Variants in DPP10 observed in about 807,000 individuals in gnomAD.
The protein encoded by DPP10 is inactive dipeptidyl peptidase 10.
Under a neutral mutation model 120.9 loss-of-function variants are expected in DPP10, and 33 were observed. That is an observed-to-expected ratio of 0.27 (90% CI 0.21 to 0.37). DPP10 has a LOEUF of 0.37. Ranked by LOEUF, DPP10 falls within the 10% of genes least tolerant of loss-of-function variation. DPP10 has a pLI of 1.00. For synonymous variants in DPP10, 337 were observed against 326.1 expected (o/e 1.03, Z -0.36); for missense variants, 816 against 942.8 (o/e 0.87, Z 1.76).
intron 1 of DPP10, among the ~76,000 whole-genome samples, chr2:114,502,734 C>T (rs1331623155): frequency 6.6e-6 from 1 of 152,186 alleles, no homozygotes; most frequent in East Asian, 1.9e-4. Flanking sequence ...TACTAACCTA[C>T]TCACTAGGTT....
At chr2:115,510,593 T>C (rs1207646658) in intron 4 of DPP10, among the ~76,000 whole-genome samples, 1 of 152,214 alleles carries the variant, frequency 6.6e-6, no homozygotes, top group East Asian at 1.9e-4. Flanking sequence ...GCCCTTGAAC[T>C]TTGCTCTTTT....
chr2:115,521,722 A>G (rs2077823458), intron 4 of DPP10, among the ~76,000 whole-genome samples: 1 of 151,454 alleles, frequency 6.6e-6, no homozygotes, highest in Non-Finnish European at 1.5e-5. Flanking sequence ...TGAGCCTCTT[A>G]CCATCTCTCA....
chr2:114,903,771 A>AT (rs1340584322), intron 1 of DPP10, among the ~76,000 whole-genome samples: 2 of 152,182 alleles, frequency 1.3e-5, no homozygotes, highest in African/African-American at 4.8e-5. Flanking sequence ...ACCAGATAGG[A>AT]TTTGTAGCCT....
chr2:115,117,829 T>C (rs1184645486), intron 1 of DPP10, among the ~76,000 whole-genome samples: 1 of 152,120 alleles, frequency 6.6e-6, no homozygotes, highest in Non-Finnish European at 1.5e-5. Context: ...AGGAAATACT[T>C]GGATGCCCTC....
At chr2:114,911,923 G>C (rs1466681939) in intron 1 of DPP10, among the ~76,000 whole-genome samples, 2 of 152,184 alleles carry the variant, frequency 1.3e-5, no homozygotes, top group Non-Finnish European at 2.9e-5. Flanking sequence ...GTTAGAGGTT[G>C]TGAAGGCTTT....
intron 19 of DPP10, among the ~76,000 whole-genome samples, chr2:115,804,165 CT>C (rs1559176122): frequency 6.6e-6 from 1 of 152,118 alleles, no homozygotes; most frequent in Non-Finnish European, 1.5e-5. Context: ...TCTCTTCATG[CT>C]TCATTTCATT....
chr2:115,781,866 G>A (rs1039243426), intron 16 of DPP10, among the ~76,000 whole-genome samples: 3 of 151,918 alleles, frequency 2.0e-5, no homozygotes, highest in Non-Finnish European at 4.4e-5. Context: ...GAAGATTATG[G>A]TTAACGTATT....
At chr2:114,758,698 T>G (rs547255007) in intron 1 of DPP10, among the ~76,000 whole-genome samples, 1 of 152,168 alleles carries the variant, frequency 6.6e-6, no homozygotes, top group African/African-American at 2.4e-5. Context: ...AAAAAAAGGC[T>G]AAATTAGAGA....
intron 1 of DPP10, among the ~76,000 whole-genome samples, chr2:114,652,998 GAGA>G (rs2105495709): frequency 6.9e-6 from 1 of 145,380 alleles, no homozygotes; most frequent in Admixed American, 7.0e-5. Flanking sequence ...AAGAGAGAGA[GAGA>G]GAGAGAGAAA....
At chr2:115,210,650 T>C (rs2056451897) in intron 1 of DPP10, among the ~76,000 whole-genome samples, 1 of 152,154 alleles carries the variant, frequency 6.6e-6, no homozygotes. Flanking sequence ...GTAAAAGCAT[T>C]CCTATTTCTC....
intron 1 of DPP10, among the ~76,000 whole-genome samples, chr2:114,451,659 A>T (rs1678282012): frequency 6.6e-6 from 1 of 152,088 alleles, no homozygotes; most frequent in African/African-American, 2.4e-5. Context: ...AGGGGTGAGA[A>T]ACAAGGCTGC....
intron 1 of DPP10, among the ~76,000 whole-genome samples, chr2:115,234,240 TAATAGTAA>T (rs1228625914): frequency 6.6e-6 from 1 of 152,092 alleles, no homozygotes; most frequent in Non-Finnish European, 1.5e-5. Flanking sequence ...CCTGAAATAA[TAATAGTAA>T]ACTCAGCATT....
intron 1 of DPP10, among the ~76,000 whole-genome samples, chr2:114,723,780 C>T (rs1045709311): frequency 6.6e-6 from 1 of 152,066 alleles, no homozygotes; most frequent in African/African-American, 2.4e-5. Flanking sequence ...TTCAAAAACT[C>T]TCAGAAATTT....
At chr2:114,586,438 A>C (rs1690986993) in intron 1 of DPP10, among the ~76,000 whole-genome samples, 1 of 152,222 alleles carries the variant, frequency 6.6e-6, no homozygotes, top group Non-Finnish European at 1.5e-5. Context: ...GGGCAAATTA[A>C]TCCTAAACCT....
intron 1 of DPP10, among the ~76,000 whole-genome samples, chr2:114,752,043 AC>A (rs543739076): frequency 4.3e-4 from 65 of 152,106 alleles, no homozygotes; most frequent in African/African-American, 1.4e-3. Flanking sequence ...ACTAGTTCCT[AC>A]CCCCAGAATT....
chr2:114,788,582 AT>A (rs1217470968), intron 1 of DPP10, among the ~76,000 whole-genome samples: 3 of 151,556 alleles, frequency 2.0e-5, no homozygotes, highest in African/African-American at 7.3e-5. Flanking sequence ...CGCCCGGCTA[AT>A]TTTTTTTGTA....
chr2:115,231,591 A>G (rs976877288), intron 1 of DPP10, among the ~76,000 whole-genome samples: 2 of 152,212 alleles, frequency 1.3e-5, no homozygotes, highest in Non-Finnish European at 2.9e-5. Flanking sequence ...TTAAATAGAT[A>G]CAAGGATCCC....
At chr2:114,472,109 G>T (rs973758627) in intron 1 of DPP10, among the ~76,000 whole-genome samples, 21 of 152,306 alleles carry the variant, frequency 1.4e-4, no homozygotes, top group African/African-American at 4.8e-4. Context: ...CCAAAGAAAG[G>T]CATTAAGGGA....
chr2:115,480,663 A>C (rs542149103), intron 3 of DPP10, among the ~76,000 whole-genome samples: 1 of 152,228 alleles, frequency 6.6e-6, no homozygotes, highest in African/African-American at 2.4e-5. Flanking sequence ...GGATCTGCAG[A>C]CTGTGGCTCT....
Sources: allele counts gnomAD v4.1 joint callset (sites outside exome capture counted in the v4.1 genomes callset), GRCh38; gene constraint gnomAD v4.1.1; transcripts MANE v1.5; gene names NCBI Gene and HGNC (gene_info 2026-07-23, HGNC 2026-07-21).